The following CEP128 variants were observed in gnomAD, a reference collection of about 807,000 sequenced individuals.
CEP128 encodes the protein centrosomal protein 128kDa.
In CEP128, 132 loss-of-function variants were observed where a neutral mutation model predicts 156.7. The ratio of observed to expected loss-of-function variants is 0.84; its 90% CI spans 0.73 to 0.97. The LOEUF (loss-of-function observed/expected upper bound fraction) is 0.97, where lower values mean the gene tolerates loss of function less well. Among genes scored for constraint, CEP128 ranks in the 50% least tolerant of loss-of-function variants. The pLI, the probability that CEP128 is intolerant of heterozygous loss-of-function variation, is 0.00. For missense variants in CEP128, 1,252 were observed against 1,281.9 expected (o/e 0.98, Z 0.36); for synonymous variants, 469 against 448.9 (o/e 1.04, Z -0.57).
At chr14:80,610,763 A>T (rs1892962925) in intron 19 of CEP128, among the ~76,000 whole-genome samples, 1 of 152,184 alleles carries the variant, frequency 6.6e-6, no homozygotes, top group Non-Finnish European at 1.5e-5. Flanking sequence ...GTGTTACAGC[A>T]AAAACTGAAG....
chr14:80,954,628 T>C (rs1886560020), intron 2 of CEP128, among the ~76,000 whole-genome samples: 1 of 152,194 alleles, frequency 6.6e-6, no homozygotes, highest in African/African-American at 2.4e-5. Flanking sequence ...GCCAAGTTCA[T>C]ATAAAAGGAA....
intron 7 of CEP128, among the ~76,000 whole-genome samples, chr14:80,897,823 G>A (rs895458627): frequency 1.3e-5 from 2 of 152,092 alleles, no homozygotes; most frequent in Non-Finnish European, 2.9e-5. Flanking sequence ...CTGATACCCA[G>A]GCAGGAGTGC....
chr14:80,747,534 G>T (rs550083203), intron 18 of CEP128, among the ~76,000 whole-genome samples: 106 of 152,198 alleles, frequency 7.0e-4, no homozygotes, highest in Non-Finnish European at 8.2e-4. Flanking sequence ...TATGGCCAGG[G>T]GCAATGGCTC....
At chr14:80,831,365 G>A (rs1885789069) in intron 12 of CEP128, 71 bp from the exon 13 acceptor site, 5 of 1,426,802 alleles carry the variant, frequency 3.5e-6, no homozygotes, top group East Asian at 4.6e-5. Flanking sequence ...AAATAGTACT[G>A]AGCCCTGATG....
intron 21 of CEP128, among the ~76,000 whole-genome samples, chr14:80,546,473 A>G (rs981470213): frequency 2.0e-5 from 3 of 152,222 alleles, no homozygotes; most frequent in East Asian, 3.8e-4. Context: ...AAACTAATGT[A>G]GAAGTAGGAG....
At chr14:80,915,009 T>C (rs988881768) in intron 3 of CEP128, among the ~76,000 whole-genome samples, 1 of 152,154 alleles carries the variant, frequency 6.6e-6, no homozygotes, top group Non-Finnish European at 1.5e-5. Flanking sequence ...CAAAATTCCA[T>C]TGTTATCTTA....
At chr14:80,564,063 A>G (rs1436262311) in intron 20 of CEP128, among the ~76,000 whole-genome samples, 1 of 152,208 alleles carries the variant, frequency 6.6e-6, no homozygotes, top group Non-Finnish European at 1.5e-5. Context: ...ACAAAAAACA[A>G]AGGAAAATTT....
In CEP128 at chr14:80,754,950, C is replaced by T. The variant is rs73342508; in HGVS notation, c.2613+1942G>A. ...CTTAATGACCATGTGATGGTTAACACTGAGTGCCAAACTGATTAGACTGAA... is the reference window on the plus strand; with the variant it reads ...CTTAATGACCATGTGATGGTTAACATTGAGTGCCAAACTGATTAGACTGAA... On this transcript the variant is annotated intron_variant, in intron 18 of 24. Transcript: ENST00000555265. Among the ~76,000 whole-genome samples, 918 of 152,286 alleles carry T rather than the reference C, an allele frequency of 6.0e-3. 8 individuals carry two copies. Among genetic ancestry groups the T allele is most frequent in the African/African-American group, 0.02 (849 of 41,560 alleles).
At chr14:80,526,118 C>T (rs988818848) in intron 23 of CEP128, among the ~76,000 whole-genome samples, 1 of 151,896 alleles carries the variant, frequency 6.6e-6, no homozygotes, top group African/African-American at 2.4e-5. Flanking sequence ...AGACATTTTT[C>T]GATGTTACAA....
intron 13 of CEP128, among the ~76,000 whole-genome samples, chr14:80,796,605 A>T (rs1294432615): frequency 6.6e-6 from 1 of 152,138 alleles, no homozygotes; most frequent in East Asian, 1.9e-4. Flanking sequence ...CTTCTTTCAT[A>T]ATCTCCTTTC....
chr14:80,770,667 TACTCATA>T (rs1192689030), intron 16 of CEP128, among the ~76,000 whole-genome samples: 1 of 152,192 alleles, frequency 6.6e-6, no homozygotes, highest in Non-Finnish European at 1.5e-5. Context: ...TACAGGAAAT[TACTCATA>T]ACATCCTAGT....
At chr14:80,490,508 A>AC (rs1887288852) in exon 7 of CEP128, 1 of 152,188 alleles carries the variant, frequency 6.6e-6, no homozygotes, top group Non-Finnish European at 1.5e-5. Context: ...ATCAAATACT[A>AC]CTTCTGTCCT....
chr14:80,821,274 ACT>A (rs1357352661), intron 13 of CEP128, among the ~76,000 whole-genome samples: 1 of 152,184 alleles, frequency 6.6e-6, no homozygotes, highest in African/African-American at 2.4e-5. Flanking sequence ...AGTTGAAATC[ACT>A]CTAAAGATAA....
At chr14:80,884,048 A>G (rs550203840) in intron 8 of CEP128, among the ~76,000 whole-genome samples, 2 of 152,172 alleles carry the variant, frequency 1.3e-5, no homozygotes, top group Non-Finnish European at 2.9e-5. Context: ...CTAGATCCCT[A>G]TCTCTTAACA....
chr14:80,719,414 G>C (rs892959328), intron 19 of CEP128, among the ~76,000 whole-genome samples: 11 of 152,162 alleles, frequency 7.2e-5, no homozygotes. Flanking sequence ...GGTATGCTAA[G>C]AACTCTTTGG....
chr14:80,740,449 T>TACAC (rs58752743), intron 19 of CEP128, among the ~76,000 whole-genome samples: 3,455 of 146,158 alleles, frequency 0.024, 56 homozygotes, highest in Middle Eastern at 0.058. Context: ...TATATACACA[T>TACAC]ACACACACAC....
chr14:80,893,262 A>G (rs1338782777), intron 8 of CEP128, among the ~76,000 whole-genome samples: 1 of 151,946 alleles, frequency 6.6e-6, no homozygotes, highest in African/African-American at 2.4e-5. Flanking sequence ...CTAATTAAAT[A>G]TGGAATCTAC....
intron 18 of CEP128, among the ~76,000 whole-genome samples, chr14:80,747,247 A>G (rs1474485982): frequency 6.6e-6 from 1 of 152,226 alleles, no homozygotes; most frequent in Non-Finnish European, 1.5e-5. Context: ...ATCTAAGAGA[A>G]ATGAAAAACA....
rs553526398 is a variant in CEP128, at chr14:80,702,800, G to C, written c.2806+40275C>G. ...CTTGGATACCTTGCAGCAACTGCCT[G>C]CTTATTTTGTGAACTCTGCTATATT... On this transcript the variant is annotated intron_variant, in intron 19 of 24. Coordinates refer to ENST00000555265, the MANE Select transcript of CEP128 (RefSeq NM_152446.5). 2.0e-5 allele frequency among the ~76,000 whole-genome samples: 3 copies of C among 152,178 alleles called. No homozygotes were observed. The South Asian group carries it at 6.2e-4, about 32-fold the overall frequency.
Sources: gnomAD v4.1 joint callset for allele counts (sites outside exome capture counted in the v4.1 genomes callset) on GRCh38, gnomAD v4.1.1 for gene constraint, MANE v1.5 for transcripts, NCBI Gene and HGNC (gene_info 2026-07-23, HGNC 2026-07-21) for gene names.